The following COL21A1 variants were observed in gnomAD, a reference collection of about 807,000 sequenced individuals.
The protein encoded by COL21A1 is collagen alpha-1(XXI) chain.
A neutral mutation model predicts 137.9 loss-of-function variants in COL21A1; 149 were observed. The ratio of observed to expected loss-of-function variants is 1.08; its 90% CI spans 0.95 to 1.24. COL21A1 has a LOEUF of 1.24. COL21A1 is among the 50% of genes most tolerant of loss of function. COL21A1 has a pLI of 0.00. For synonymous variants in COL21A1, 456 were observed against 391.5 expected (o/e 1.16, Z -1.95); for missense variants, 1,167 against 1,158.4 (o/e 1.01, Z -0.11).
chr6:56,341,400 T>C (rs980591649), intron 1 of COL21A1, among the ~76,000 whole-genome samples: 2 of 152,116 alleles, frequency 1.3e-5, no homozygotes, highest in East Asian at 1.9e-4. Context: ...ATATTATGCA[T>C]TGATAAAAAG....
chr6:56,220,716 A>G (rs750786566), intron 1 of COL21A1, among the ~76,000 whole-genome samples: 3 of 152,162 alleles, frequency 2.0e-5, no homozygotes, highest in Non-Finnish European at 4.4e-5. Context: ...GCTCTTCTTC[A>G]TTGTCATACT....
chr6:56,113,798 T>C (rs961769854), intron 16 of COL21A1, among the ~76,000 whole-genome samples: 1 of 152,132 alleles, frequency 6.6e-6, no homozygotes, highest in African/African-American at 2.4e-5. Flanking sequence ...TTAGACAGCA[T>C]TTCTGGACCT....
In COL21A1 at chr6:56,179,915, C is replaced by T. The variant is rs1201980731; in HGVS notation, c.303G>A (p.Thr101=). Reference sequence around the variant, plus strand: ...AGTAGAGTATGGATTCCACTGCTGCCGTCAAATGTTCTCCTGAATCATAGC... The same window carrying T: ...AGTAGAGTATGGATTCCACTGCTGCTGTCAAATGTTCTCCTGAATCATAGC... The part of the protein sequence containing the change: ...LGSYDSGEHL[T]AAVESILYLG... Residue 101 remains threonine, a synonymous_variant, in exon 3 of 30, where the codon ACG becomes ACA. Transcript: ENST00000244728. 5.0e-6 allele frequency: 8 copies of T among 1,613,696 alleles called. No homozygotes were observed. Among genetic ancestry groups the T allele is most frequent in the Non-Finnish European group, 5.9e-6 (7 of 1,179,848 alleles).
chr6:56,257,550 A>G (rs565622005), intron 1 of COL21A1, among the ~76,000 whole-genome samples: 2 of 152,260 alleles, frequency 1.3e-5, no homozygotes, highest in African/African-American at 4.8e-5. Flanking sequence ...AAAGCCCCCA[A>G]ATTGTGGATT....
intron 1 of COL21A1, among the ~76,000 whole-genome samples, chr6:56,306,468 C>T (rs949164503): frequency 3.9e-5 from 6 of 152,186 alleles, no homozygotes; most frequent in Non-Finnish European, 5.9e-5. Flanking sequence ...CTTCTTGCTT[C>T]ATTTCATTCA....
At chr6:56,389,105 A>G (rs1374960203) in intron 1 of COL21A1, among the ~76,000 whole-genome samples, 4 of 152,126 alleles carry the variant, frequency 2.6e-5, no homozygotes, top group Non-Finnish European at 5.9e-5. Flanking sequence ...GCTCATGCCT[A>G]TAATCCCAGC....
At chr6:56,272,081 T>C (rs546477567) in intron 1 of COL21A1, among the ~76,000 whole-genome samples, 3 of 152,262 alleles carry the variant, frequency 2.0e-5, no homozygotes, top group Admixed American at 6.5e-5. Context: ...AACTGCCTAC[T>C]GGAGCTGTGA....
intron 24 of COL21A1, among the ~76,000 whole-genome samples, chr6:56,063,328 T>C (rs987915084): frequency 2.0e-5 from 3 of 152,160 alleles, no homozygotes; most frequent in East Asian, 1.9e-4. Flanking sequence ...GTAAGTAACA[T>C]TTTTTGATAA....
Position 56,061,019 on chromosome 6 carries a change from G to C in COL21A1, c.2224C>G (p.Pro742Ala). The change falls in exon 26 of 30, where the codon CCT (proline) becomes GCT (alanine). Residue 742 changes from proline to alanine, a missense_variant. Physicochemically the swap from Pro to Ala is conservative, Grantham distance 27. Transcript: ENST00000244728. The stretch of plus-strand genomic sequence containing the variant: ...GATCCAATGGCACCTCGGACACCAG[G>C]TTCTCCCTTTTCACCTCTCTAAAAG... ...AKGERGEKGEPGVRGAIGSKG... is the reference protein window; with the variant it reads ...AKGERGEKGEAGVRGAIGSKG... 1 of 1,598,328 alleles carries C rather than the reference G, an allele frequency of 6.3e-7. No homozygotes were observed. The highest frequency in any genetic ancestry group is 1.8e-5 in the Admixed American group (1 of 55,264).
At chr6:56,226,932 T>C (rs969895020) in intron 1 of COL21A1, among the ~76,000 whole-genome samples, 4 of 152,010 alleles carry the variant, frequency 2.6e-5, no homozygotes, top group African/African-American at 9.7e-5. Context: ...CTCTGTGGGA[T>C]GGCTCGTATA....
intron 17 of COL21A1, among the ~76,000 whole-genome samples, chr6:56,098,350 T>C (rs1205680791): frequency 1.8e-5 from 1 of 55,760 alleles, no homozygotes; most frequent in Non-Finnish European, 2.8e-5. Context: ...TGTAAATATA[T>C]AAATATATAT....
At chr6:56,310,277 T>A (rs1764577549) in intron 1 of COL21A1, among the ~76,000 whole-genome samples, 1 of 152,152 alleles carries the variant, frequency 6.6e-6, no homozygotes. Context: ...GGTGCCTATC[T>A]TTTTGCTGCC....
At chr6:56,385,445 A>G (rs1243448176) in intron 1 of COL21A1, among the ~76,000 whole-genome samples, 1 of 152,118 alleles carries the variant, frequency 6.6e-6, no homozygotes. Flanking sequence ...TCCTTAGCTC[A>G]TGGCCCCTTC....
At chr6:56,163,701 C>A (rs1776359123) in intron 9 of COL21A1, among the ~76,000 whole-genome samples, 1 of 82,958 alleles carries the variant, frequency 1.2e-5, no homozygotes, top group Admixed American at 1.1e-4. Context: ...AGCAAGGCTC[C>A]GTCTCAAAAA....
At chr6:56,227,588 A>G (rs1206388256) in intron 1 of COL21A1, among the ~76,000 whole-genome samples, 1 of 152,016 alleles carries the variant, frequency 6.6e-6, no homozygotes, top group African/African-American at 2.4e-5. Flanking sequence ...TTTAGATTGT[A>G]AAAGAAAGAA....
intron 1 of COL21A1, among the ~76,000 whole-genome samples, chr6:56,389,226 G>A (rs968393540): frequency 1.3e-5 from 2 of 152,056 alleles, no homozygotes; most frequent in Non-Finnish European, 2.9e-5. Flanking sequence ...GCTGGGTGTG[G>A]TGGCGTGCAC....
upstream of COL21A1, among the ~76,000 whole-genome samples, chr6:56,249,679 A>T (rs1782807885): frequency 6.6e-6 from 1 of 152,240 alleles, no homozygotes; most frequent in African/African-American, 2.4e-5. Flanking sequence ...AACTACTTGA[A>T]GTACGTAGTA....
intron 17 of COL21A1, among the ~76,000 whole-genome samples, chr6:56,098,621 A>G (rs1770038388): frequency 1.6e-5 from 1 of 63,412 alleles, no homozygotes; most frequent in Non-Finnish European, 2.5e-5. Context: ...ATATAAATAT[A>G]TATAAATATA....
chr6:56,232,471 G>A (rs910861864), intron 1 of COL21A1, among the ~76,000 whole-genome samples: 6 of 151,836 alleles, frequency 4.0e-5, no homozygotes, highest in African/African-American at 1.4e-4. Context: ...AGACAGTATT[G>A]TTATCAAGTT....
Sources: allele counts gnomAD v4.1 joint callset (sites outside exome capture counted in the v4.1 genomes callset), GRCh38; gene constraint gnomAD v4.1.1; transcripts MANE v1.5; gene names NCBI Gene and HGNC (gene_info 2026-07-23, HGNC 2026-07-21).